Variants in DHX37 observed in about 807,000 individuals in gnomAD.
The protein encoded by DHX37 is DEAH-box helicase 37.
DHX37 carries 52 observed loss-of-function variants against 134.3 expected under a neutral mutation model. The ratio of observed to expected loss-of-function variants is 0.39; its 90% confidence interval spans 0.31 to 0.49. DHX37 has a LOEUF of 0.49. Among genes scored for constraint, DHX37 ranks in the 20% least tolerant of loss-of-function variants. The pLI is 0.93. For synonymous variants in DHX37, 634 were observed against 670.7 expected, an observed-to-expected ratio of 0.95 and a Z score of 0.85; for missense variants, 1,344 against 1,580.8, an observed-to-expected ratio of 0.85 and a Z score of 2.54.
intron 15 of DHX37, among the ~76,000 whole-genome samples, chr12:124,960,817 C>T (rs1226283679): frequency 6.6e-6 from 1 of 152,136 alleles, no homozygotes; most frequent in East Asian, 1.9e-4. Flanking sequence ...TAGCCAGGCA[C>T]GGTGACGTGC....
intron 2 of DHX37, among the ~76,000 whole-genome samples, chr12:124,983,955 AAGGCTCC>A (rs1954809525): frequency 1.3e-5 from 2 of 152,142 alleles, no homozygotes; most frequent in South Asian, 4.1e-4. Context: ...GATTCTCATG[AAGGCTCC>A]AGGTCAGGGT....
In DHX37 at chr12:124,958,278, G is replaced by A. The variant is rs144903542; in HGVS notation, c.2158-1143C>T. Among the ~76,000 whole-genome samples, 733 of 152,296 alleles carry A rather than the reference G, an allele frequency of 4.8e-3. 6 individuals are homozygous for A. The highest frequency in any genetic ancestry group is 0.017 in the African/African-American group (686 of 41,566). On this transcript the variant is annotated intron_variant, in intron 16 of 26. Transcript: ENST00000308736. Reference sequence around the variant, plus strand: ...GGGGTGGTGAGCCTGCAGCAGGCACGCAGGTAAGGAGGCAATGCTAGGAAC... The same window carrying A: ...GGGGTGGTGAGCCTGCAGCAGGCACACAGGTAAGGAGGCAATGCTAGGAAC...
rs748615244 is a variant in DHX37 at position 124,964,570 on chromosome 12, G to C, written c.1869C>G (p.Ala623=). The C allele has an allele frequency of 6.2e-7, 1 of 1,613,346 alleles. No homozygotes were observed. Among genetic ancestry groups the C allele is most frequent in the South Asian group, 1.1e-5 (1 of 91,070 alleles). ...TRLCVVATNV[A]ETSLTIPGIK... The stretch of plus-strand genomic sequence containing the variant: ...TGCCAGGGATGGTAAGCGACGTCTC[G>C]GCCACATTGGTGGCCACAACACACA... Residue 623 remains alanine (A), a synonymous_variant, in exon 15 of 27, where the codon GCC becomes GCG. Transcript: ENST00000308736.
chr12:124,952,765 T>G, intron 20 of DHX37, 195 bp from the exon 21 acceptor site: 2 of 442,828 alleles, frequency 4.5e-6, no homozygotes, highest in Non-Finnish European at 7.6e-6. Flanking sequence ...CATTCCCTCC[T>G]TCTCCCTTGG....
At chr12:124,968,844 G>A (rs566218574) in intron 9 of DHX37, 23 bp downstream of exon 9, 190 of 1,613,606 alleles carry the variant, frequency 1.2e-4, no homozygotes, top group Non-Finnish European at 1.3e-4. Context: ...CAAGCTCACA[G>A]AGGACATGGG....
intron 8 of DHX37, among the ~76,000 whole-genome samples, chr12:124,969,733 G>A (rs1183332202): frequency 6.6e-6 from 1 of 152,068 alleles, no homozygotes; most frequent in Non-Finnish European, 1.5e-5. Context: ...TGCTGGTGCG[G>A]AAGTACCATG....
At chr12:124,947,948 G>A (rs776780122) in intron 26 of DHX37, 61 bp from the exon 27 acceptor site, 2 of 1,611,436 alleles carry the variant, frequency 1.2e-6, no homozygotes, top group African/African-American at 2.7e-5. Context: ...CTCTCCTCAG[G>A]TGGCAAAAAG....
Position 124,980,722 on chromosome 12 carries a change from G to T in DHX37, c.506C>A (p.Ser169Ter), listed in dbSNP as rs149384016. Residue 169 changes from serine to a stop codon, truncating the protein, a stop_gained, in exon 4 of 27, where the codon TCG becomes TAG. Coordinates refer to ENST00000308736, the MANE Select transcript of DHX37 (RefSeq NM_032656.4). LOFTEE classifies it high-confidence loss of function. The surrounding 1 kb of genome is among the most constrained non-coding windows in gnomAD (Gnocchi z 5.3). ...CGACTCCTCCTCCAGCTCCGATTCC[G>T]ACTCCTCCTCCTCCTCCTCCTCCTC... is the stretch of plus-strand genomic sequence containing the variant. Reference protein sequence around the residue: ...AEEEEEEEEESESELEEESEL... With the variant: ...AEEEEEEEEE The T allele has an allele frequency of 5.1e-6, 8 of 1,561,908 alleles. No homozygotes were observed. Among genetic ancestry groups the T allele is most frequent in the Middle Eastern group, 1.7e-4 (1 of 5,870 alleles).
rs541024567 is a variant in DHX37, at chr12:124,967,196, C to T, written c.1431G>A (p.Thr477=). 21 of 1,613,868 alleles carry T rather than the reference C, an allele frequency of 1.3e-5. No homozygotes were observed. Among genetic ancestry groups the T allele is most frequent in the Admixed American group, 3.3e-5 (2 of 60,014 alleles). Residue 477 remains threonine (T), a synonymous_variant, in exon 11 of 27, where the codon ACG becomes ACA. Transcript: ENST00000308736. ...ACAGCGCATGCACCTCAGCCTGCCC[C>T]GTCAGGAACACCAGGATGCCACCTG... ...LPAGGILVFL[T]GQAEVHALCR... is the part of the protein sequence containing the mutation.
chr12:124,968,474 T>C, intron 10 of DHX37, 60 bp downstream of exon 10: 7 of 1,595,442 alleles, frequency 4.4e-6, no homozygotes, highest in Non-Finnish European at 6.0e-6. Context: ...CCCACACTCG[T>C]GCTTTCAGCG....
At chr12:124,975,056 G>A (rs1326457928) in intron 6 of DHX37, among the ~76,000 whole-genome samples, 6 of 152,120 alleles carry the variant, frequency 3.9e-5, no homozygotes, top group South Asian at 4.1e-4. Flanking sequence ...AATTACAGGC[G>A]TGAGCCACCA....
At position 124,977,336 on chromosome 12, in the gene DHX37, C is replaced by A; in HGVS notation, c.887+6G>T. On this transcript the variant is annotated splice_donor_region_variant and intron_variant, in intron 5 of 26. Transcript: ENST00000308736. ...ACCCAGAGAGAACCCTGTGTCCAGC[C>A]CCTACCTGCTGAAGCCTGCTTCATA... The A allele has an allele frequency of 6.5e-7, 1 of 1,544,370 alleles. No homozygotes were observed. The highest frequency in any genetic ancestry group is 8.7e-7 in the Non-Finnish European group (1 of 1,147,854).
rs967609991 is a variant in DHX37, at chr12:124,949,687, GTCCT to G, written c.3290+295_3290+298del. Among the ~76,000 whole-genome samples the G allele has an allele frequency of 2.0e-5, 3 of 152,184 alleles. No individual in the cohort carries two copies. The highest frequency in any genetic ancestry group is 7.2e-5 in the African/African-American group (3 of 41,452). ...GTGGGCCCTGAATACAATGACTGGT[GTCCT>G]TATAAGGAGAACACAGGGAGGGAGA... On this transcript the variant is annotated intron_variant, in intron 25 of 26. Coordinates refer to ENST00000308736, the MANE Select transcript of DHX37 (RefSeq NM_032656.4). The surrounding 1 kb of genome is among the most constrained non-coding windows in gnomAD (Gnocchi z 4.0).
At position 124,989,071 on chromosome 12, in the gene DHX37, T is replaced by G. The variant is rs1400182025; in HGVS notation, c.-49A>C. 1 of 1,249,752 alleles carries G rather than the reference T, an allele frequency of 8.0e-7. No homozygotes were observed. Among genetic ancestry groups the G allele is most frequent in the Non-Finnish European group, 1.0e-6 (1 of 979,528 alleles). The allele number at this position is 1,249,752 out of a possible 1,614,324, so 77.4% of individuals were successfully genotyped here. A position where few individuals can be genotyped will look rare whatever the true frequency, so the allele number is the denominator to read the frequency against. ...TCCAGCGGCCGGACCAGCAGAGCAA[T>G]CCGAAACCCAGCCCACGTGGGTTCC... is the stretch of plus-strand genomic sequence containing the variant. On this transcript the variant is annotated 5_prime_UTR_variant, in exon 1 of 27. Coordinates refer to ENST00000308736, the MANE Select transcript of DHX37 (RefSeq NM_032656.4).
At chr12:124,988,472 C>A (rs1954916422) in intron 1 of DHX37, among the ~76,000 whole-genome samples, 1 of 152,122 alleles carries the variant, frequency 6.6e-6, no homozygotes, top group African/African-American at 2.4e-5. Flanking sequence ...AAAAATCTCC[C>A]TTTCTGCTAT....
chr12:124,975,515 G>A lies in DHX37; in HGVS notation c.888-4C>T, dbSNP rs1324679401. ...GACACCGATGATGCTGTCTTCACTG[G>A]GGGAGGAAGAACATGGCCATCAACA... On this transcript the variant is annotated splice_polypyrimidine_tract_variant and splice_region_variant and intron_variant, in intron 5 of 26. Transcript: ENST00000308736. 3.1e-6 allele frequency: 5 copies of A among 1,611,908 alleles called. No homozygotes were observed. Among genetic ancestry groups the A allele is most frequent in the Admixed American group, 1.7e-5 (1 of 59,980 alleles).
chr12:124,975,747 C>T (rs113429130), intron 5 of DHX37, among the ~76,000 whole-genome samples: 8 of 152,304 alleles, frequency 5.3e-5, no homozygotes, highest in South Asian at 2.1e-4. Flanking sequence ...CTAGAAGGAA[C>T]GGGGCCTGGG....
intron 15 of DHX37, among the ~76,000 whole-genome samples, chr12:124,961,294 G>C (rs28643481): frequency 1.4e-5 from 2 of 140,130 alleles, no homozygotes; most frequent in Non-Finnish European, 3.0e-5. Flanking sequence ...ACACTTACAC[G>C]CGTGCACGCA....
Position 124,982,508 on chromosome 12 carries a change from C to T in DHX37, c.389+3G>A, listed in dbSNP as rs969549465. On this transcript the variant is annotated splice_donor_region_variant and intron_variant, in intron 3 of 26. Transcript: ENST00000308736. ...AGGGTTAGCAAAGGACTGGCCAACTCACTCTTTGGTGTGATACATGCGGTT... is the reference window on the plus strand; with the variant it reads ...AGGGTTAGCAAAGGACTGGCCAACTTACTCTTTGGTGTGATACATGCGGTT... 1 of 1,613,116 alleles carries T rather than the reference C, an allele frequency of 6.2e-7. No homozygotes were observed. The highest frequency in any genetic ancestry group is 1.3e-5 in the African/African-American group (1 of 74,892).
Sources: allele counts gnomAD v4.1 joint callset (sites outside exome capture counted in the v4.1 genomes callset), GRCh38; gene constraint gnomAD v4.1.1; non-coding constraint Gnocchi (gnomAD v3.1); transcripts MANE v1.5; gene names NCBI Gene and HGNC (gene_info 2026-07-23, HGNC 2026-07-21).